ALDH2: variants seen among roughly 807,000 people sequenced by gnomAD.
The protein encoded by ALDH2 is aldehyde dehydrogenase 2 family member.
Under a neutral mutation model 59.6 loss-of-function variants are expected in ALDH2, and 44 were observed. That is an observed-to-expected ratio of 0.74 (90% confidence interval 0.58 to 0.95). ALDH2 has a LOEUF of 0.95. Ranked by LOEUF, ALDH2 falls within the 40% of genes least tolerant of loss-of-function variation. The pLI, the probability that ALDH2 is intolerant of heterozygous loss-of-function variation, is 0.00. For missense variants in ALDH2, 570 were observed against 696.3 expected, an observed-to-expected ratio of 0.82 and a Z score of 2.04; for synonymous variants, 291 against 284.0, an observed-to-expected ratio of 1.02 and a Z score of -0.25.
Position 111,811,540 on chromosome 12 carries a change from C to G in ALDH2, c.*1965C>G, listed in dbSNP as rs1227747305. On this transcript the variant is annotated 3_prime_UTR_variant, in exon 13 of 13. Transcript: ENST00000261733. ...CCAGGCTGGAGTGCAGTGACGTGAT[C>G]TTGGCTCACTGCAACCTCTGCCTCC... The G allele has an allele frequency of 6.7e-6, 1 of 149,188 alleles. No individual in the cohort carries two copies. Among genetic ancestry groups the G allele is most frequent in the African/African-American group, 2.5e-5 (1 of 40,492 alleles). The allele number at this position is 149,188 out of a possible 1,614,324, so 9.2% of individuals were successfully genotyped here.
At chr12:111,792,184 GGCCTGGCCT>G in intron 8 of ALDH2, 21 bp downstream of exon 8, 1 of 1,573,710 alleles carries the variant, frequency 6.4e-7, no homozygotes, top group Non-Finnish European at 8.6e-7. Context: ...AGCTGGAGAA[GGCCTGGCCT>G]TGAAGGTAGC....
Position 111,789,905 on chromosome 12 carries a change from C to G in ALDH2, c.523C>G (p.Pro175Ala). The G allele has an allele frequency of 6.2e-7, 1 of 1,614,134 alleles. No individual in the cohort carries two copies. The highest frequency in any genetic ancestry group is 8.5e-7 in the Non-Finnish European group (1 of 1,180,008). Residue 175 changes from proline to alanine, a missense_variant, in exon 5 of 13, where the codon CCT becomes GCT. By Grantham distance (27) the Pro-to-Ala change is conservative. Coordinates refer to ENST00000261733, the MANE Select transcript of ALDH2 (RefSeq NM_000690.4). The stretch of plus-strand genomic sequence containing the variant: ...CTTCTTCAGCTACACACGCCATGAA[C>G]CTGTGGGGGTGTGCGGGCAGATCAT... ...GDFFSYTRHE[P>A]VGVCGQIIPW...
chr12:111,792,910 T>C, intron 9 of ALDH2, 128 bp downstream of exon 9: 1 of 1,025,232 alleles, frequency 9.8e-7, no homozygotes, highest in Non-Finnish European at 1.4e-6. Flanking sequence ...TGTGTGCCTT[T>C]GGGAAGCTAT....
intron 6 of ALDH2, among the ~76,000 whole-genome samples, chr12:111,791,018 C>T (rs2068354306): frequency 6.6e-6 from 1 of 152,172 alleles, no homozygotes; most frequent in Admixed American, 6.5e-5. Flanking sequence ...CACTGCACTC[C>T]AGCCTGGGTG....
chr12:111,807,002 C>T (rs944460324), intron 12 of ALDH2, among the ~76,000 whole-genome samples: 1 of 151,842 alleles, frequency 6.6e-6, no homozygotes, highest in Non-Finnish European at 1.5e-5. Flanking sequence ...CATGGTGGCT[C>T]ACGCCTGTAA....
At chr12:111,799,607 C>T (rs549293883) in intron 10 of ALDH2, among the ~76,000 whole-genome samples, 3 of 152,268 alleles carry the variant, frequency 2.0e-5, no homozygotes, top group African/African-American at 7.2e-5. Context: ...CAATGCCCAG[C>T]TGACTTAAAT....
At position 111,811,290 on chromosome 12, in the gene ALDH2, A is replaced by C. The variant is rs982563728; in HGVS notation, c.*1715A>C. On this transcript the variant is annotated 3_prime_UTR_variant, in exon 13 of 13. Transcript: ENST00000261733. ...CTTGAACCTGGGAGGCAGAGGTTGC[A>C]GTGAGCCAAGATTGCTCCATTGTAC... 1.2e-4 allele frequency: 18 copies of C among 151,486 alleles called. No homozygotes were observed. Among genetic ancestry groups the C allele is most frequent in the African/African-American group, 4.1e-4 (17 of 41,386 alleles). 9.4% of individuals were successfully genotyped at this position (151,486 alleles called of 1,614,324 possible).
At chr12:111,781,101 C>G (rs1261507155) in intron 1 of ALDH2, among the ~76,000 whole-genome samples, 1 of 151,814 alleles carries the variant, frequency 6.6e-6, no homozygotes, top group East Asian at 1.9e-4. Flanking sequence ...GGAGTGAGAC[C>G]CTGTCTCAAA....
intron 4 of ALDH2, among the ~76,000 whole-genome samples, chr12:111,788,457 G>C (rs980488890): frequency 2.0e-5 from 3 of 152,230 alleles, no homozygotes; most frequent in Admixed American, 2.0e-4. Context: ...GCAGTGCCAA[G>C]GCTGAAAAAC....
chr12:111,801,305 CTACAATTCAAGATGAGAT>C (rs2068449613), intron 11 of ALDH2, among the ~76,000 whole-genome samples: 1 of 152,176 alleles, frequency 6.6e-6, no homozygotes, highest in Non-Finnish European at 1.5e-5. Context: ...ATTGTGGGAG[CTACAATTCAAGATGAGAT>C]TTGGGTGGGG....
rs2068438877 is a variant in ALDH2, at chr12:111,800,058, T to C, written c.1401T>C (p.Thr467=). 1.9e-6 allele frequency: 3 copies of C among 1,611,424 alleles called. No homozygotes were observed. The highest frequency in any genetic ancestry group is 3.3e-5 in the Admixed American group (2 of 59,846). ...TGTCCCAGGCCCTCCAGGCGGGCAC[T>C]GTGTGGTAAGAGCCTCCCAGCAGCC... is the stretch of plus-strand genomic sequence containing the variant. ...NYLSQALQAG[T]VWVNCYDVFG... Residue 467 remains threonine, a synonymous_variant, in exon 11 of 13, where the codon ACT becomes ACC. Coordinates refer to ENST00000261733, the MANE Select transcript of ALDH2 (RefSeq NM_000690.4).
intron 1 of ALDH2, among the ~76,000 whole-genome samples, chr12:111,770,085 A>C: frequency 6.6e-6 from 1 of 150,396 alleles, no homozygotes; most frequent in Non-Finnish European, 1.5e-5. Flanking sequence ...CAGAGGTTGC[A>C]GTGAGCCGAG....
chr12:111,784,331 G>C (rs921868889), intron 3 of ALDH2, among the ~76,000 whole-genome samples: 14 of 152,094 alleles, frequency 9.2e-5, no homozygotes, highest in African/African-American at 3.1e-4. Flanking sequence ...AAATGACCCA[G>C]CCTGTTCTAG....
intron 12 of ALDH2, among the ~76,000 whole-genome samples, chr12:111,805,183 CATAG>C (rs2068484207): frequency 1.3e-5 from 2 of 152,190 alleles, no homozygotes; most frequent in South Asian, 4.2e-4. Flanking sequence ...AATTTATGTA[CATAG>C]ATAGATACTC....
intron 1 of ALDH2, among the ~76,000 whole-genome samples, chr12:111,781,231 G>C (rs753263195): frequency 1.3e-4 from 20 of 152,222 alleles, no homozygotes; most frequent in Non-Finnish European, 1.9e-4. Flanking sequence ...GAGAAGGGGA[G>C]GCTCTCTCCT....
chr12:111,789,115 T>A (rs1156432668), intron 4 of ALDH2, among the ~76,000 whole-genome samples: 2 of 149,784 alleles, frequency 1.3e-5, no homozygotes, highest in Non-Finnish European at 3.0e-5. Context: ...CCTCCCAGGT[T>A]TAAGCCATTC....
At chr12:111,790,367 C>A in intron 5 of ALDH2, 67 bp from the exon 6 acceptor site, 1 of 1,604,002 alleles carries the variant, frequency 6.2e-7, no homozygotes, top group Non-Finnish European at 8.5e-7. Context: ...GGGGTTGCCA[C>A]CTTCTGCTAC....
intron 9 of ALDH2, among the ~76,000 whole-genome samples, chr12:111,796,627 G>C (rs1009269099): frequency 6.6e-6 from 1 of 152,146 alleles, no homozygotes; most frequent in Non-Finnish European, 1.5e-5. Context: ...AATAGGCTGG[G>C]TGTGGTGGCT....
chr12:111,799,876 G>A (rs373059460), intron 10 of ALDH2, 30 bp from the exon 11 acceptor site: 127 of 1,594,102 alleles, frequency 8.0e-5, no homozygotes, highest in Non-Finnish European at 1.0e-4. Flanking sequence ...CCGTGTTGCC[G>A]AACCCTCCTA....
Sources: allele counts gnomAD v4.1 joint callset (sites outside exome capture counted in the v4.1 genomes callset), GRCh38; gene constraint gnomAD v4.1.1; transcripts MANE v1.5; gene names NCBI Gene and HGNC (gene_info 2026-07-23, HGNC 2026-07-21).